The following ADGRE5 variants were observed in gnomAD, a reference collection of about 807,000 sequenced individuals.
The protein encoded by ADGRE5 is CD97 molecule.
In ADGRE5, 72 loss-of-function variants were observed where a neutral mutation model predicts 100.3. That is an observed-to-expected ratio of 0.72 (90% CI 0.59 to 0.87). The LOEUF (loss-of-function observed/expected upper bound fraction) is 0.87. ADGRE5 is among the 40% of genes least tolerant of loss of function. The pLI is 0.00. For missense variants in ADGRE5, 959 were observed against 1,094.7 expected (o/e 0.88, Z 1.75); for synonymous variants, 439 against 447.8 (o/e 0.98, Z 0.25).
rs1380245013 is a variant in ADGRE5 at position 14,404,886 on chromosome 19, C to T, written c.1629+324C>T. 2.0e-5 allele frequency: 6 copies of T among 300,996 alleles called. No individual in the cohort carries two copies. The Middle Eastern group carries it at 2.9e-3, about 146-fold the overall frequency. 18.6% of individuals were successfully genotyped at this position (300,996 alleles called of 1,614,324 possible). A position where few individuals can be genotyped will look rare whatever the true frequency, so the allele number is the denominator to read the frequency against. ...TGCCCGTTTTTTTTTTTTTTTGAGACGGAGTCTCTGTCGCCCAGGTTGGAG... is the reference window on the plus strand; with the variant it reads ...TGCCCGTTTTTTTTTTTTTTTGAGATGGAGTCTCTGTCGCCCAGGTTGGAG... On this transcript the variant is annotated intron_variant, in intron 13 of 19. Coordinates refer to ENST00000242786, the MANE Select transcript of ADGRE5 (RefSeq NM_078481.4).
intron 1 of ADGRE5, among the ~76,000 whole-genome samples, chr19:14,383,738 G>T (rs2146342062): frequency 6.6e-6 from 1 of 151,368 alleles, no homozygotes; most frequent in African/African-American, 2.4e-5. Context: ...GCTTCTGTTT[G>T]GGCAACTTCC....
rs558031324 is a variant in ADGRE5 at position 14,408,589 on chromosome 19, C to T, written c.*468C>T. 6 of 434,222 alleles carry T rather than the reference C, an allele frequency of 1.4e-5. No homozygotes were observed. The Middle Eastern group carries it at 1.8e-3, about 128-fold the overall frequency. 26.9% of individuals were successfully genotyped at this position (434,222 alleles called of 1,614,324 possible). ...CCTTGGGGCCACTGCCTGAGGCTCA[C>T]GGTACAGAGGCCTGCCCTGCCTGGC... On this transcript the variant is annotated 3_prime_UTR_variant, in exon 20 of 20. Transcript: ENST00000242786.
In ADGRE5 at chr19:14,406,613, A is replaced by G; in HGVS notation, c.2048+56A>G. On this transcript the variant is annotated intron_variant, in intron 15 of 19. Coordinates refer to ENST00000242786, the MANE Select transcript of ADGRE5 (RefSeq NM_078481.4). The surrounding 1 kb of genome is among the most constrained non-coding windows in gnomAD (Gnocchi z 6.0). ...GCGGGGTGCTGGGCCTGGGGCTCAC[A>G]GGCAGTGCCACACACAATGTCCGGC... The G allele has an allele frequency of 6.2e-7, 1 of 1,600,410 alleles. No homozygotes were observed. Among genetic ancestry groups the G allele is most frequent in the Non-Finnish European group, 8.6e-7 (1 of 1,168,220 alleles).
chr19:14,402,532 G>A, intron 11 of ADGRE5, 65 bp from the exon 12 acceptor site: 1 of 1,567,272 alleles, frequency 6.4e-7, no homozygotes, highest in Non-Finnish European at 8.7e-7. Context: ...GGGTCATCTT[G>A]GGAGGGAGGA....
chr19:14,407,638 C>CA (rs566106681), intron 18 of ADGRE5, among the ~76,000 whole-genome samples: 1,727 of 84,536 alleles, frequency 0.02, 19 homozygotes, highest in African/African-American at 0.031. Flanking sequence ...GACTTGTCTC[C>CA]AAAAAAAAAA....
chr19:14,398,531 T>C (rs1385993748), intron 9 of ADGRE5, among the ~76,000 whole-genome samples: 21 of 151,110 alleles, frequency 1.4e-4, no homozygotes, highest in Non-Finnish European at 2.7e-4. Context: ...AAAAATTAGC[T>C]GGGTGTGGTG....
At chr19:14,396,903 AG>A (rs1975801392) in intron 5 of ADGRE5, among the ~76,000 whole-genome samples, 173 bp from the exon 6 acceptor site, 1 of 152,176 alleles carries the variant, frequency 6.6e-6, no homozygotes, top group African/African-American at 2.4e-5. Flanking sequence ...CCCATCTGGT[AG>A]GAAGACCATC....
In ADGRE5 at chr19:14,401,525, C is replaced by G; in HGVS notation, c.1037C>G (p.Pro346Arg). 6.2e-7 allele frequency: 1 copy of G among 1,614,168 alleles called. No individual in the cohort carries two copies. Among genetic ancestry groups the G allele is most frequent in the Non-Finnish European group, 8.5e-7 (1 of 1,180,026 alleles). Residue 346 changes from proline to arginine, a missense_variant, in exon 10 of 20, where the codon CCT becomes CGT. By Grantham distance (103) the Pro-to-Arg change is moderately radical. Transcript: ENST00000242786. This position sits in a 1 kb window ranked among gnomAD's most constrained non-coding sequence, Gnocchi z 4.1. ...DIMRILAKSL[P>R]KGPFTYISPS... Reference sequence around the variant, plus strand: ...ATGAGGATCCTGGCCAAGAGCCTGCCTAAAGGCCCCTTCACCTACATTTCC... The same window carrying G: ...ATGAGGATCCTGGCCAAGAGCCTGCGTAAAGGCCCCTTCACCTACATTTCC...
chr19:14,401,795 A>G lies in ADGRE5; in HGVS notation c.1183+35A>G. The G allele has an allele frequency of 5.0e-6, 7 of 1,404,686 alleles. No homozygotes were observed. Among genetic ancestry groups the G allele is most frequent in the Non-Finnish European group, 6.8e-6 (7 of 1,032,666 alleles). The allele number at this position is 1,404,686 out of a possible 1,614,324, so 87.0% of individuals were successfully genotyped here. The stretch of plus-strand genomic sequence containing the variant: ...GTGGTCTGGAGGGGGAGCCCGTGGG[A>G]GAGAGATGGAGGTGCTGGGATGGGG... On this transcript the variant is annotated intron_variant, in intron 11 of 19. Transcript: ENST00000242786. This position sits in a 1 kb window ranked among gnomAD's most constrained non-coding sequence, Gnocchi z 4.1.
Position 14,407,856 on chromosome 19 carries a change from G to A in ADGRE5, c.2377-52G>A, listed in dbSNP as rs568818383. 2.9e-5 allele frequency: 43 copies of A among 1,467,860 alleles called. No individual in the cohort carries two copies. In the East Asian group the frequency reaches 5.9e-4, roughly 20 times the overall value. The allele number at this position is 1,467,860 out of a possible 1,614,324, so 90.9% of individuals were successfully genotyped here. A position where few individuals can be genotyped will look rare whatever the true frequency, so the allele number is the denominator to read the frequency against. ...CTGAGGGCAGAGCATGGGGAGGAGC[G>A]TGCATGGTCCCAGGGCCTGCTCCTG... On this transcript the variant is annotated intron_variant, in intron 18 of 19. Coordinates refer to ENST00000242786, the MANE Select transcript of ADGRE5 (RefSeq NM_078481.4).
At position 14,401,455 on chromosome 19, in the gene ADGRE5, C is replaced by T. The variant is rs758365972; in HGVS notation, c.967C>T (p.Arg323Trp). 9 of 1,613,968 alleles carry T rather than the reference C, an allele frequency of 5.6e-6. No homozygotes were observed. The highest frequency in any genetic ancestry group is 7.6e-6 in the Non-Finnish European group (9 of 1,180,012). Reference protein sequence around the residue: ...GDVEALAPPVRHLIATQLLSN... With the variant: ...GDVEALAPPVWHLIATQLLSN... ...CGTAGAGGCCCTGGCGCCACCTGTC[C>T]GGCACCTCATAGCCACCCAGCTGCT... is the stretch of plus-strand genomic sequence containing the variant. The change falls in exon 10 of 20, where the codon CGG becomes TGG. Residue 323 changes from arginine (R) to tryptophan (W), a missense_variant. Physicochemically the swap from Arg to Trp is moderately radical, Grantham distance 101 (BLOSUM62 -3). This residue lies in a region of ADGRE5 where 246 missense variants were observed against 242.2 expected (regional missense o/e 1.02). Coordinates refer to ENST00000242786, the MANE Select transcript of ADGRE5 (RefSeq NM_078481.4). This position sits in a 1 kb window ranked among gnomAD's most constrained non-coding sequence, Gnocchi z 4.1.
At position 14,381,807 on chromosome 19, in the gene ADGRE5, C is replaced by T. The variant is rs531385483; in HGVS notation, c.22+262C>T. 2.4e-4 allele frequency among the ~76,000 whole-genome samples: 37 copies of T among 152,144 alleles called. No homozygotes were observed. In the South Asian group the frequency reaches 5.6e-3, roughly 23 times the overall value. ...CCTCAAGCTTTCTACTGGAGCCAGT[C>T]TGGCATCTGCTCCCTAAGAGGGGAA... On this transcript the variant is annotated intron_variant, in intron 1 of 19. Coordinates refer to ENST00000242786, the MANE Select transcript of ADGRE5 (RefSeq NM_078481.4).
At chr19:14,390,862 G>T in intron 3 of ADGRE5, 62 bp from the exon 4 acceptor site, 1 of 1,583,486 alleles carries the variant, frequency 6.3e-7, no homozygotes, top group East Asian at 2.3e-5. Flanking sequence ...TCAGGATGGG[G>T]GTCTCTGCCC....
rs886649486 is a variant in ADGRE5, at chr19:14,391,012, C to T, written c.279C>T (p.Cys93=). 1.9e-6 allele frequency: 3 copies of T among 1,614,100 alleles called. No homozygotes were observed. In the African/African-American group the frequency reaches 4.0e-5, roughly 22 times the overall value. The change falls in exon 4 of 20, where the codon TGC becomes TGT. Residue 93 remains cysteine (C), a synonymous_variant. Transcript: ENST00000242786. ...WNTEGSYDCV[C]SPGYEPVSGA... ...CAGAGGGGAGCTACGACTGCGTGTGCAGCCCGGGATATGAGCCTGTTTCTG... is the reference window on the plus strand; with the variant it reads ...CAGAGGGGAGCTACGACTGCGTGTGTAGCCCGGGATATGAGCCTGTTTCTG...
chr19:14,387,366 C>T (rs148422944), intron 1 of ADGRE5, among the ~76,000 whole-genome samples: 2,257 of 151,866 alleles, frequency 0.015, 57 homozygotes, highest in African/African-American at 0.049. Flanking sequence ...CGGGGAGGAT[C>T]GCTTGAGGCC....
chr19:14,402,772 CA>C lies in ADGRE5; in HGVS notation c.1361del (p.Asn454ThrfsTer32), dbSNP rs1976067021. On this transcript the variant is annotated frameshift_variant, in exon 12 of 20. Coordinates refer to ENST00000242786, the MANE Select transcript of ADGRE5 (RefSeq NM_078481.4). LOFTEE classifies it high-confidence loss of function. ...AVNSIFLSHN[N>X]TKELNSPILF... ...TCAACTCCATCTTTCTGAGCCACAACAACACCAAGGAACTCAACTCCCCCAT... is the reference window on the plus strand; with the variant it reads ...TCAACTCCATCTTTCTGAGCCACAACACACCAAGGAACTCAACTCCCCCAT... The C allele has an allele frequency of 3.1e-6, 5 of 1,614,128 alleles. No individual in the cohort carries two copies. Among genetic ancestry groups the C allele is most frequent in the Non-Finnish European group, 4.2e-6 (5 of 1,180,022 alleles).
chr19:14,389,498 C>G (rs185359507), intron 3 of ADGRE5, among the ~76,000 whole-genome samples: 1 of 150,080 alleles, frequency 6.7e-6, no homozygotes, highest in South Asian at 2.1e-4. Context: ...TTCAGGAGGC[C>G]GAGGTGGACA....
intron 4 of ADGRE5, among the ~76,000 whole-genome samples, chr19:14,392,502 C>T (rs932121613): frequency 6.6e-6 from 1 of 152,118 alleles, no homozygotes; most frequent in African/African-American, 2.4e-5. Context: ...ACAAAAGTAG[C>T]TTTGACTTTT....
At chr19:14,405,404 A>G (rs1976185136) in intron 13 of ADGRE5, 1 of 228,910 alleles carries the variant, frequency 4.4e-6, no homozygotes, top group African/African-American at 2.3e-5. Flanking sequence ...TCAGCCTCTC[A>G]AAGTGCTAGG....
Sources: gnomAD v4.1 joint callset for allele counts (sites outside exome capture counted in the v4.1 genomes callset) on GRCh38, gnomAD v4.1.1 for gene constraint, gnomAD v4.1.1 regional missense constraint, Gnocchi (gnomAD v3.1) non-coding constraint, MANE v1.5 for transcripts, NCBI Gene and HGNC (gene_info 2026-07-23, HGNC 2026-07-21) for gene names.